The following STK33 variants were observed in gnomAD, a reference collection of about 807,000 sequenced individuals.
STK33 encodes serine/threonine kinase 33, also known as serine/threonine-protein kinase 33.
In STK33, 52 loss-of-function variants were observed where a neutral mutation model predicts 58.0. The ratio of observed to expected loss-of-function variants is 0.90; its 90% CI spans 0.72 to 1.13. STK33 has a LOEUF of 1.13. STK33 is among the 50% of genes most tolerant of loss of function. STK33 has a pLI of 0.00. For missense variants in STK33, 630 were observed against 604.2 expected (o/e 1.04, Z -0.45); for synonymous variants, 215 against 200.1 (o/e 1.07, Z -0.63).
intron 1 of STK33, among the ~76,000 whole-genome samples, chr11:8,552,726 A>G (rs1591759700): frequency 1.3e-5 from 2 of 152,122 alleles, no homozygotes; most frequent in African/African-American, 2.4e-5. Context: ...TTCAGGGGCA[A>G]TAACAAGCAC....
At chr11:8,554,258 A>G (rs1256898401) in intron 1 of STK33, among the ~76,000 whole-genome samples, 1 of 151,568 alleles carries the variant, frequency 6.6e-6, no homozygotes, top group East Asian at 1.9e-4. Flanking sequence ...TCTCTATTAA[A>G]AATACAAAAA....
the STK33 span, among the ~76,000 whole-genome samples, chr11:8,370,202 C>T: frequency 6.7e-6 from 1 of 148,278 alleles, no homozygotes; most frequent in Non-Finnish European, 1.5e-5. Flanking sequence ...AAAGATGAGG[C>T]TTTTTTTTTT....
the STK33 span, among the ~76,000 whole-genome samples, chr11:8,354,472 C>CCACACACACACACACACACACACACA: frequency 8.9e-5 from 5 of 56,062 alleles, no homozygotes; most frequent in South Asian, 1.5e-3. Flanking sequence ...GTCTGCAAAA[C>CCACACACACACACACACACACACACA]CTCACACACA....
At chr11:8,576,107 C>G (rs1958162211) in intron 1 of STK33, among the ~76,000 whole-genome samples, 1 of 151,984 alleles carries the variant, frequency 6.6e-6, no homozygotes, top group Non-Finnish European at 1.5e-5. Flanking sequence ...CAAACAGAAA[C>G]TGGGCATCTG....
chr11:8,448,570 G>A (rs185624080), intron 11 of STK33, among the ~76,000 whole-genome samples: 1 of 152,108 alleles, frequency 6.6e-6, no homozygotes, highest in Non-Finnish European at 1.5e-5. Context: ...TGGGAAAACT[G>A]GCTAGCCATA....
chr11:8,454,869 A>C (rs750797145), intron 9 of STK33, 37 bp from the exon 10 acceptor site: 2 of 1,492,982 alleles, frequency 1.3e-6, no homozygotes, highest in Non-Finnish European at 1.8e-6. Flanking sequence ...AATGAAATGA[A>C]TAATGGAAAA....
intron 1 of STK33, among the ~76,000 whole-genome samples, chr11:8,544,556 C>T (rs184671092): frequency 6.6e-6 from 1 of 151,434 alleles, no homozygotes; most frequent in African/African-American, 2.4e-5. Flanking sequence ...GGAAAGTGAA[C>T]TATATATTCA....
At chr11:8,568,295 T>G (rs1957579262) in intron 1 of STK33, among the ~76,000 whole-genome samples, 1 of 152,196 alleles carries the variant, frequency 6.6e-6, no homozygotes, top group South Asian at 2.1e-4. Flanking sequence ...CTCATTAAAA[T>G]GGCATAAAAG....
intron 1 of STK33, among the ~76,000 whole-genome samples, chr11:8,507,557 A>G (rs1951956678): frequency 6.6e-6 from 1 of 152,034 alleles, no homozygotes; most frequent in African/African-American, 2.4e-5. Flanking sequence ...TGAAGGAGGA[A>G]GGAGGAAATA....
intron 1 of STK33, among the ~76,000 whole-genome samples, chr11:8,487,148 G>A (rs1274151224): frequency 4.6e-5 from 7 of 152,238 alleles, no homozygotes; most frequent in Non-Finnish European, 1.0e-4. Flanking sequence ...CAGAGGCCGG[G>A]CACAGTGGCT....
chr11:8,439,463 C>G (rs1944445465), intron 12 of STK33, among the ~76,000 whole-genome samples: 1 of 151,738 alleles, frequency 6.6e-6, no homozygotes, highest in Non-Finnish European at 1.5e-5. Context: ...TGCATGATAC[C>G]TTAAAATCTT....
the STK33 span, among the ~76,000 whole-genome samples, chr11:8,378,396 T>C: frequency 6.6e-6 from 1 of 152,194 alleles, no homozygotes; most frequent in South Asian, 2.1e-4. Context: ...TGCATGCCTG[T>C]AATCCCATCT....
At chr11:8,546,927 A>G (rs997411866) in intron 1 of STK33, among the ~76,000 whole-genome samples, 2 of 152,124 alleles carry the variant, frequency 1.3e-5, no homozygotes, top group African/African-American at 4.8e-5. Flanking sequence ...TTTTGGATAT[A>G]TATCCAGCAG....
At chr11:8,481,037 G>C (rs922727216) in intron 1 of STK33, among the ~76,000 whole-genome samples, 6 of 152,070 alleles carry the variant, frequency 3.9e-5, no homozygotes, top group African/African-American at 9.7e-5. Flanking sequence ...CAAGAGTACC[G>C]AGAGAGAGGA....
rs188454210 is a variant in STK33, at chr11:8,416,429, T to C, written c.1147-2737A>G. Among the ~76,000 whole-genome samples, 42 of 152,208 alleles carry C rather than the reference T, an allele frequency of 2.8e-4. 1 individual carries two copies. ...TAAATGAACATCAGCTTTACTTTTG[T>C]CTCATTTCCCTACATATTTATAACC... On this transcript the variant is annotated intron_variant, in intron 14 of 15. Transcript: ENST00000687296.
chr11:8,496,142 C>CA (rs930076398), intron 1 of STK33, among the ~76,000 whole-genome samples: 16 of 148,328 alleles, frequency 1.1e-4, no homozygotes, highest in Admixed American at 6.7e-4. Context: ...AAAGGAAGGA[C>CA]AAAAAAAAAG....
At chr11:8,422,367 T>C (rs1942048552) in intron 14 of STK33, among the ~76,000 whole-genome samples, 1 of 152,168 alleles carries the variant, frequency 6.6e-6, no homozygotes, top group South Asian at 2.1e-4. Context: ...TTGCTAATAG[T>C]ATGTCTAAGG....
intron 15 of STK33, among the ~76,000 whole-genome samples, chr11:8,396,782 A>G (rs1326928930): frequency 6.6e-6 from 1 of 152,190 alleles, no homozygotes; most frequent in Non-Finnish European, 1.5e-5. Context: ...TGCTTTTCCA[A>G]TGGTCTTAGC....
chr11:8,559,856 G>C (rs1411100452), intron 1 of STK33, among the ~76,000 whole-genome samples: 1 of 152,034 alleles, frequency 6.6e-6, no homozygotes, highest in East Asian at 1.9e-4. Flanking sequence ...CACAGCCTAA[G>C]TATAAATCAC....
Sources: allele counts gnomAD v4.1 joint callset (sites outside exome capture counted in the v4.1 genomes callset), GRCh38; gene constraint gnomAD v4.1.1; transcripts MANE v1.5; gene names NCBI Gene and HGNC (gene_info 2026-07-23, HGNC 2026-07-21).